RPN2: variants seen among roughly 807,000 people sequenced by gnomAD.
The protein encoded by RPN2 is ribophorin II.
A neutral mutation model predicts 71.4 loss-of-function variants in RPN2; 29 were observed. The observed-to-expected ratio is 0.41, with a 90% CI of 0.30 to 0.55. The LOEUF is 0.55. Ranked by LOEUF, RPN2 falls within the 20% of genes least tolerant of loss-of-function variation. The probability of loss-of-function intolerance (pLI) is 0.35; values close to 1 mark genes in which losing one functional copy is unlikely to be tolerated. For synonymous variants in RPN2, 308 were observed against 305.0 expected, an observed-to-expected ratio of 1.01 and a Z score of -0.10; for missense variants, 726 against 774.1, an observed-to-expected ratio of 0.94 and a Z score of 0.74.
At chr20:37,236,289 C>T (rs2068388648) in intron 15 of RPN2, among the ~76,000 whole-genome samples, 1 of 152,068 alleles carries the variant, frequency 6.6e-6, no homozygotes, top group Non-Finnish European at 1.5e-5. Context: ...CACGAGGTCT[C>T]ACTGTGTTGC....
chr20:37,203,795 G>A, intron 4 of RPN2, 90 bp from the exon 5 acceptor site: 1 of 887,260 alleles, frequency 1.1e-6, no homozygotes, highest in East Asian at 2.5e-5. Flanking sequence ...AACAAGAGTA[G>A]GATATTTGTG....
intron 2 of RPN2, among the ~76,000 whole-genome samples, chr20:37,191,658 CTT>C (rs780662238): frequency 3.5e-5 from 5 of 144,728 alleles, no homozygotes; most frequent in African/African-American, 5.0e-5. Context: ...GTCCCAGCTA[CTT>C]TTTTTTTTTT....
At chr20:37,184,463 C>G in intron 2 of RPN2, 90 bp downstream of exon 2, 1 of 1,151,268 alleles carries the variant, frequency 8.7e-7, no homozygotes, top group East Asian at 2.4e-5. Context: ...AAAACTAACT[C>G]TTGCTCATTT....
chr20:37,184,129 A>G, intron 1 of RPN2, 51 bp from the exon 2 acceptor site: 2 of 1,603,772 alleles, frequency 1.2e-6, no homozygotes, highest in South Asian at 2.2e-5. Context: ...GGGACTGTGT[A>G]TAGCACCTTG....
intron 9 of RPN2, among the ~76,000 whole-genome samples, chr20:37,222,133 C>T (rs1310512961): frequency 6.6e-6 from 1 of 152,218 alleles, no homozygotes; most frequent in African/African-American, 2.4e-5. Flanking sequence ...TGCTCTGGTT[C>T]TGAGCCTTGC....
chr20:37,188,245 T>C (rs2067057596), intron 2 of RPN2, among the ~76,000 whole-genome samples: 1 of 152,170 alleles, frequency 6.6e-6, no homozygotes, highest in Admixed American at 6.5e-5. Flanking sequence ...CTTGGCCCAC[T>C]GCAACCTCCG....
Position 37,221,342 on chromosome 20 carries a change from T to G in RPN2, c.1093-2536T>G, listed in dbSNP as rs577002606. 7.2e-5 allele frequency among the ~76,000 whole-genome samples: 11 copies of G among 152,096 alleles called. No individual in the cohort carries two copies. The South Asian group carries it at 2.3e-3, about 32-fold the overall frequency. On this transcript the variant is annotated intron_variant, in intron 9 of 16. Transcript: ENST00000237530. ...TCCTGAGTAGCTGGGACTACAGGCG[T>G]GCATCACCATGTCTGGCTAATTTTT... is the stretch of plus-strand genomic sequence containing the variant.
chr20:37,207,486 A>G lies in RPN2; in HGVS notation c.867+37A>G, dbSNP rs1079657. ...ATGCCCAAAGTGTGCCCCTCTGATT[A>G]TCATTCCTAGTGGAAGGCTTTCAGA... On this transcript the variant is annotated intron_variant, in intron 7 of 16. Coordinates refer to ENST00000237530, the MANE Select transcript of RPN2 (RefSeq NM_002951.5). The G allele has an allele frequency of 0.79, 1,256,822 of 1,600,810 alleles. 496,878 individuals carry two copies. The highest frequency in any genetic ancestry group is 0.86 in the Middle Eastern group (5,161 of 6,028).
chr20:37,211,861 C>G (rs2067679106), intron 8 of RPN2, among the ~76,000 whole-genome samples: 1 of 151,956 alleles, frequency 6.6e-6, no homozygotes, highest in Non-Finnish European at 1.5e-5. Flanking sequence ...CCCCAGCCTC[C>G]TAAGTAGCTG....
intron 16 of RPN2, among the ~76,000 whole-genome samples, chr20:37,239,816 C>T (rs6017596): frequency 0.58 from 88,069 of 151,928 alleles, 25,781 homozygotes; most frequent in African/African-American, 0.62. Flanking sequence ...CGTTTGGTTT[C>T]ATCCTACATT....
chr20:37,207,201 T>C, intron 6 of RPN2, 72 bp from the exon 7 acceptor site: 1 of 1,249,726 alleles, frequency 8.0e-7, no homozygotes, highest in Non-Finnish European at 1.2e-6. Flanking sequence ...AGGGTGACTT[T>C]CCTCTACAGC....
chr20:37,236,819 AGTCT>A, intron 16 of RPN2, 110 bp downstream of exon 16: 1 of 1,092,070 alleles, frequency 9.2e-7, no homozygotes, highest in Non-Finnish European at 1.4e-6. Context: ...CTTAGGGGCA[AGTCT>A]GACACCCTAA....
rs550913613 is a variant in RPN2 at position 37,201,357 on chromosome 20, T to C, written c.479+2132T>C. On this transcript the variant is annotated intron_variant, in intron 4 of 16. Coordinates refer to ENST00000237530, the MANE Select transcript of RPN2 (RefSeq NM_002951.5). ...AGTGCAATGCGATCATATTTAAAGC[T>C]CACTACAACCTCAAACTCTTGGGCG... 3.2e-4 allele frequency among the ~76,000 whole-genome samples: 46 copies of C among 145,260 alleles called. 1 individual carries two copies. Among genetic ancestry groups the C allele is most frequent in the Admixed American group, 2.8e-3 (39 of 13,948 alleles).
At chr20:37,202,345 G>T (rs1486016540) in intron 4 of RPN2, among the ~76,000 whole-genome samples, 2 of 152,202 alleles carry the variant, frequency 1.3e-5, no homozygotes, top group Non-Finnish European at 2.9e-5. Flanking sequence ...CGACTCTGCT[G>T]TTTTCCAACT....
At chr20:37,229,808 A>T in intron 12 of RPN2, 165 bp from the exon 13 acceptor site, 1 of 673,868 alleles carries the variant, frequency 1.5e-6, no homozygotes, top group Non-Finnish European at 2.7e-6. Flanking sequence ...TTTTGTTCTT[A>T]AAGTTTTTAC....
intron 11 of RPN2, 68 bp downstream of exon 11, chr20:37,225,870 T>A (rs961935289): frequency 9.3e-7 from 1 of 1,080,338 alleles, no homozygotes; most frequent in Non-Finnish European, 1.4e-6. Context: ...TACAATGTGG[T>A]CTATAACATG....
At chr20:37,208,097 C>G (rs1262989153) in intron 7 of RPN2, among the ~76,000 whole-genome samples, 1 of 151,940 alleles carries the variant, frequency 6.6e-6, no homozygotes, top group Non-Finnish European at 1.5e-5. Context: ...TGGTGAAACC[C>G]CATCTCTACT....
intron 7 of RPN2, among the ~76,000 whole-genome samples, chr20:37,209,443 G>GC (rs1267207622): frequency 6.6e-6 from 1 of 151,318 alleles, no homozygotes; most frequent in Non-Finnish European, 1.5e-5. Flanking sequence ...ACAGGCATGA[G>GC]CCACTGCACC....
chr20:37,203,475 G>A (rs952666057), intron 4 of RPN2, among the ~76,000 whole-genome samples: 5 of 151,776 alleles, frequency 3.3e-5, no homozygotes, highest in African/African-American at 1.2e-4. Context: ...CAAGTAGTTG[G>A]GACTACAAGC....
Sources: allele counts gnomAD v4.1 joint callset (sites outside exome capture counted in the v4.1 genomes callset), GRCh38; gene constraint gnomAD v4.1.1; transcripts MANE v1.5; gene names NCBI Gene and HGNC (gene_info 2026-07-23, HGNC 2026-07-21).